Variants in BRSK2 observed in about 807,000 individuals in gnomAD.
The protein encoded by BRSK2 is BR serine/threonine kinase 2.
A neutral mutation model predicts 83.3 loss-of-function variants in BRSK2; 19 were observed. That is an observed-to-expected ratio of 0.23 (90% confidence interval 0.16 to 0.33). BRSK2 has a LOEUF of 0.33. BRSK2 is among the 10% of genes least tolerant of loss of function. The probability of loss-of-function intolerance (pLI) is 1.00; values close to 1 mark genes in which losing one functional copy is unlikely to be tolerated. For synonymous variants in BRSK2, 519 were observed against 435.4 expected (o/e 1.19, Z -2.39); for missense variants, 798 against 1,042.3 (o/e 0.77, Z 3.23).
At chr11:1,422,542 A>C (rs575726787) in intron 1 of BRSK2, among the ~76,000 whole-genome samples, 2 of 152,218 alleles carry the variant, frequency 1.3e-5, no homozygotes, top group African/African-American at 4.8e-5. Flanking sequence ...CAGTTGCTAC[A>C]GTGCCCCCAC....
At position 1,451,524 on chromosome 11, in the gene BRSK2, T is replaced by C. The variant is rs374703330; in HGVS notation, c.1544+105T>C. On this transcript the variant is annotated intron_variant, in intron 15 of 19. Transcript: ENST00000528841. ...GCCAACGGGGTGCTCCTTCTCCACG[T>C]GGCCCCACCTCCCACTGCAGGCAGG... 129 of 1,202,292 alleles carry C rather than the reference T, an allele frequency of 1.1e-4. No individual in the cohort carries two copies. In the African/African-American group the frequency reaches 1.7e-3, roughly 16 times the overall value. The allele number at this position is 1,202,292 out of a possible 1,614,324, so 74.5% of individuals were successfully genotyped here.
At chr11:1,453,653 CAGGAATGGGCAA>C (rs776168167) in intron 15 of BRSK2, among the ~76,000 whole-genome samples, 5 of 152,218 alleles carry the variant, frequency 3.3e-5, no homozygotes, top group Non-Finnish European at 7.3e-5. Context: ...GAGGCAGCTC[CAGGAATGGGCAA>C]GGGAAAGGGG....
intron 16 of BRSK2, among the ~76,000 whole-genome samples, chr11:1,456,071 G>A (rs1396290838): frequency 6.6e-6 from 1 of 152,202 alleles, no homozygotes; most frequent in South Asian, 2.1e-4. Flanking sequence ...TCCTCTGTAA[G>A]GTCCTGGTCA....
Position 1,445,406 on chromosome 11 carries a change from C to G in BRSK2, c.925C>G (p.Leu309Val). 1 of 1,612,066 alleles carries G rather than the reference C, an allele frequency of 6.2e-7. No individual in the cohort carries two copies. Among genetic ancestry groups the G allele is most frequent in the Non-Finnish European group, 8.5e-7 (1 of 1,179,688 alleles). The change falls in exon 10 of 20, where the codon CTG becomes GTG. Residue 309 changes from leucine (L) to valine (V), a missense_variant. By Grantham distance (32) the Leu-to-Val change is conservative (BLOSUM62 1). Coordinates refer to ENST00000528841, the MANE Select transcript of BRSK2 (RefSeq NM_001256627.2). ...CGACGTGCTGGACAGCATGCACTCA[C>G]TGGGCTGCTTCCGAGACCGCAACAA... ...DPDVLDSMHS[L>V]GCFRDRNKLL... is the part of the protein sequence containing the mutation.
chr11:1,403,999 G>A (rs1352609421), intron 1 of BRSK2, among the ~76,000 whole-genome samples: 1 of 152,216 alleles, frequency 6.6e-6, no homozygotes, highest in South Asian at 2.1e-4. Flanking sequence ...GCCTGGCCTG[G>A]AGTTGTACCC....
chr11:1,411,380 C>A (rs974951148), intron 1 of BRSK2: 12 of 1,454,912 alleles, frequency 8.2e-6, no homozygotes, highest in Non-Finnish European at 9.9e-6. Flanking sequence ...GGGGAGGGAG[C>A]CTGGTAGGGC....
At chr11:1,404,218 C>T (rs895887041) in intron 1 of BRSK2, among the ~76,000 whole-genome samples, 13 of 152,302 alleles carry the variant, frequency 8.5e-5, no homozygotes, top group South Asian at 4.1e-4. Flanking sequence ...CCCAGCTGCC[C>T]GCAATCTGGG....
chr11:1,446,793 G>A (rs1852195387), intron 12 of BRSK2, among the ~76,000 whole-genome samples: 1 of 152,198 alleles, frequency 6.6e-6, no homozygotes, highest in South Asian at 2.1e-4. Flanking sequence ...GACAGCCCTT[G>A]GGCCCAGGAG....
At position 1,449,845 on chromosome 11, in the gene BRSK2, C is replaced by A. The variant is rs780165846; in HGVS notation, c.1287+9C>A. ...CACTCAGCAGCCCCCGGGTGAGTGA[C>A]CCCCCGCCCCCACCCAGCTCGGATG... On this transcript the variant is annotated intron_variant, in intron 13 of 19. Transcript: ENST00000528841. 15 of 1,597,528 alleles carry A rather than the reference C, an allele frequency of 9.4e-6. No individual in the cohort carries two copies. In the East Asian group the frequency reaches 2.2e-4, roughly 24 times the overall value.
At chr11:1,416,226 A>G (rs540277538) in intron 1 of BRSK2, among the ~76,000 whole-genome samples, 67 of 152,234 alleles carry the variant, frequency 4.4e-4, no homozygotes, top group Non-Finnish European at 8.2e-4. Context: ...AGTAACTCTT[A>G]AGAGTACGGA....
At chr11:1,395,856 T>G (rs1223932855) in intron 1 of BRSK2, among the ~76,000 whole-genome samples, 1 of 152,158 alleles carries the variant, frequency 6.6e-6, no homozygotes, top group African/African-American at 2.4e-5. Flanking sequence ...TCACCGTGGC[T>G]GGCTGCTGCC....
At chr11:1,445,066 T>G in intron 9 of BRSK2, 64 bp downstream of exon 9, 1 of 1,582,516 alleles carries the variant, frequency 6.3e-7, no homozygotes, top group South Asian at 1.1e-5. Context: ...GAGGCCCTGC[T>G]AGGAAAGGCG....
At chr11:1,403,290 T>A (rs1168432197) in intron 1 of BRSK2, among the ~76,000 whole-genome samples, 3 of 152,184 alleles carry the variant, frequency 2.0e-5, no homozygotes, top group African/African-American at 7.2e-5. Context: ...GGATGGAGGC[T>A]GCTGTGCGTG....
chr11:1,443,662 C>G (rs1212230572), intron 8 of BRSK2, 27 bp downstream of exon 8: 10 of 1,520,206 alleles, frequency 6.6e-6, no homozygotes, highest in Non-Finnish European at 8.8e-6. Context: ...CGGGGCGGCC[C>G]CAGAGCGTGG....
At chr11:1,416,039 T>C (rs1006450378) in intron 1 of BRSK2, among the ~76,000 whole-genome samples, 7 of 152,264 alleles carry the variant, frequency 4.6e-5, no homozygotes, top group Non-Finnish European at 7.3e-5. Flanking sequence ...ATTAGTGCTC[T>C]TGGCAACCTC....
intron 1 of BRSK2, among the ~76,000 whole-genome samples, chr11:1,426,646 C>T (rs1053415620): frequency 1.3e-5 from 2 of 152,072 alleles, no homozygotes; most frequent in Non-Finnish European, 2.9e-5. Flanking sequence ...GAAGGTGCCC[C>T]GTGTCTTTTC....
intron 1 of BRSK2, among the ~76,000 whole-genome samples, chr11:1,414,781 G>A (rs1486091175): frequency 2.6e-5 from 4 of 152,168 alleles, no homozygotes; most frequent in Non-Finnish European, 4.4e-5. Context: ...CCTGCCTTCC[G>A]TTTCTGGACG....
intron 15 of BRSK2, among the ~76,000 whole-genome samples, chr11:1,452,675 C>T (rs923031919): frequency 2.0e-5 from 3 of 151,942 alleles, no homozygotes; most frequent in Non-Finnish European, 4.4e-5. Context: ...TACAGCTCCA[C>T]CCAAGGGCCC....
intron 4 of BRSK2, 131 bp downstream of exon 4, chr11:1,441,059 T>G: frequency 1.4e-6 from 1 of 709,806 alleles, no homozygotes; most frequent in Non-Finnish European, 2.2e-6. Flanking sequence ...TGCCCCCCAT[T>G]AGCTGCCCCT....
Sources: gnomAD v4.1 joint callset for allele counts (sites outside exome capture counted in the v4.1 genomes callset) on GRCh38, gnomAD v4.1.1 for gene constraint, MANE v1.5 for transcripts, NCBI Gene and HGNC (gene_info 2026-07-23, HGNC 2026-07-21) for gene names.